HS6ST3: variants seen among roughly 807,000 people sequenced by gnomAD.
HS6ST3 encodes heparan sulfate 6-O-sulfotransferase 3.
HS6ST3 carries 12 observed loss-of-function variants against 36.7 expected under a neutral mutation model. That is an observed-to-expected ratio of 0.33 (90% CI 0.21 to 0.53). The LOEUF (loss-of-function observed/expected upper bound fraction) is 0.53, where lower values mean the gene tolerates loss of function less well. HS6ST3 is among the 20% of genes least tolerant of loss of function. The probability of loss-of-function intolerance (pLI) is 0.95; values close to 1 mark genes in which losing one functional copy is unlikely to be tolerated. For synonymous variants in HS6ST3, 240 were observed against 257.5 expected (o/e 0.93, Z 0.65); for missense variants, 584 against 640.9 (o/e 0.91, Z 0.96).
chr13:96,588,834 G>A (rs1049993672), intron 1 of HS6ST3, among the ~76,000 whole-genome samples: 5 of 151,980 alleles, frequency 3.3e-5, no homozygotes, highest in African/African-American at 1.2e-4. Context: ...TGGATTGCTT[G>A]ATCCCAGGAA....
At chr13:96,538,977 G>A (rs1007486247) in intron 1 of HS6ST3, among the ~76,000 whole-genome samples, 1 of 152,068 alleles carries the variant, frequency 6.6e-6, no homozygotes, top group African/African-American at 2.4e-5. Flanking sequence ...TGTTTTTCAC[G>A]TGATCTCAAC....
intron 1 of HS6ST3, among the ~76,000 whole-genome samples, chr13:96,531,526 C>G (rs563010868): frequency 6.6e-5 from 10 of 152,098 alleles, no homozygotes; most frequent in Admixed American, 3.9e-4. Context: ...TTATAAGAAG[C>G]CTTGAGCTGT....
chr13:96,119,961 G>A (rs912320576), intron 1 of HS6ST3, among the ~76,000 whole-genome samples: 5 of 151,954 alleles, frequency 3.3e-5, no homozygotes, highest in African/African-American at 1.2e-4. Context: ...ATCAGTTGAA[G>A]TTCTAACCCC....
At chr13:96,816,655 T>C (rs894095511) in intron 1 of HS6ST3, among the ~76,000 whole-genome samples, 3 of 152,148 alleles carry the variant, frequency 2.0e-5, no homozygotes, top group African/African-American at 7.2e-5. Context: ...AGGGGAAAGG[T>C]ATCACATCCC....
At chr13:96,578,655 G>A (rs1276214382) in intron 1 of HS6ST3, among the ~76,000 whole-genome samples, 3 of 152,062 alleles carry the variant, frequency 2.0e-5, no homozygotes, top group African/African-American at 7.2e-5. Flanking sequence ...CTGCTTTCCG[G>A]GTCAAGCGGT....
intron 1 of HS6ST3, among the ~76,000 whole-genome samples, chr13:96,641,592 C>T (rs1026242338): frequency 1.3e-5 from 2 of 151,870 alleles, no homozygotes; most frequent in African/African-American, 4.8e-5. Flanking sequence ...ATGTCCATTA[C>T]AGCCTTCTCT....
chr13:96,490,073 A>G (rs1594792120), intron 1 of HS6ST3, among the ~76,000 whole-genome samples: 1 of 152,192 alleles, frequency 6.6e-6, no homozygotes, highest in Non-Finnish European at 1.5e-5. Flanking sequence ...TCATATGGGG[A>G]CAAATACATT....
In HS6ST3 at chr13:96,704,888, C is replaced by G. The variant is rs142854512; in HGVS notation, c.708-127602C>G. On this transcript the variant is annotated intron_variant, in intron 1 of 1. Transcript: ENST00000376705. The stretch of plus-strand genomic sequence containing the variant: ...GCCTGGGATTCCATAGGGGTGCTAT[C>G]TGGCCTCTTTTCAGAAACTATTTAA... 5.3e-4 allele frequency among the ~76,000 whole-genome samples: 80 copies of G among 152,288 alleles called. 1 individual carries two copies. Among genetic ancestry groups the G allele is most frequent in the East Asian group, 4.1e-3 (21 of 5,180 alleles).
At position 96,304,804 on chromosome 13, in the gene HS6ST3, G is replaced by A. The variant is rs1195224434; in HGVS notation, c.707+213235G>A. On this transcript the variant is annotated intron_variant, in intron 1 of 1. Transcript: ENST00000376705. Reference sequence around the variant, plus strand: ...CAGCTCACTGCAACCTCCGCTTCCCGGGTTCAAGCAATTCTCCTGCCTCAG... The same window carrying A: ...CAGCTCACTGCAACCTCCGCTTCCCAGGTTCAAGCAATTCTCCTGCCTCAG... Among the ~76,000 whole-genome samples, 4 of 148,762 alleles carry A rather than the reference G, an allele frequency of 2.7e-5. No individual in the cohort carries two copies. The Admixed American group carries it at 2.7e-4, about 10-fold the overall frequency.
chr13:96,432,587 C>G (rs1446700651), intron 1 of HS6ST3, among the ~76,000 whole-genome samples: 1 of 151,988 alleles, frequency 6.6e-6, no homozygotes, highest in African/African-American at 2.4e-5. Flanking sequence ...ATATAATAAC[C>G]AGACTTACTC....
At chr13:96,393,757 GT>G (rs1394644485) in intron 1 of HS6ST3, among the ~76,000 whole-genome samples, 2 of 152,132 alleles carry the variant, frequency 1.3e-5, no homozygotes, top group African/African-American at 4.8e-5. Flanking sequence ...AGATGGGCTT[GT>G]TTAAAGACAG....
intron 1 of HS6ST3, among the ~76,000 whole-genome samples, chr13:96,592,208 A>C (rs1453594372): frequency 1.3e-5 from 2 of 152,130 alleles, no homozygotes; most frequent in African/African-American, 4.8e-5. Flanking sequence ...ACTATGTCAT[A>C]ACCCATTATT....
chr13:96,695,480 T>C (rs1875102069), intron 1 of HS6ST3, among the ~76,000 whole-genome samples: 1 of 152,144 alleles, frequency 6.6e-6, no homozygotes, highest in African/African-American at 2.4e-5. Flanking sequence ...CAGACTGGAG[T>C]GCAGTGGCAT....
chr13:96,829,555 C>T (rs1490253827), intron 1 of HS6ST3, among the ~76,000 whole-genome samples: 1 of 152,112 alleles, frequency 6.6e-6, no homozygotes, highest in South Asian at 2.1e-4. Context: ...TCATTTAGCT[C>T]CTACTTATAA....
chr13:96,514,510 G>T (rs972401423), intron 1 of HS6ST3, among the ~76,000 whole-genome samples: 10 of 152,148 alleles, frequency 6.6e-5, no homozygotes, highest in Admixed American at 3.9e-4. Flanking sequence ...CGTAATTAAG[G>T]TTGGATGAGG....
chr13:96,316,193 T>C (rs918938328), intron 1 of HS6ST3, among the ~76,000 whole-genome samples: 11 of 152,164 alleles, frequency 7.2e-5, no homozygotes, highest in Admixed American at 5.2e-4. Context: ...CATACACATA[T>C]ATGCATATGC....
chr13:96,773,636 C>G (rs1877323541), intron 1 of HS6ST3, among the ~76,000 whole-genome samples: 1 of 152,218 alleles, frequency 6.6e-6, no homozygotes, highest in Admixed American at 6.5e-5. Flanking sequence ...GATTTCTCCT[C>G]TCTGGGCAGG....
At chr13:96,107,354 A>T (rs1400769459) in intron 1 of HS6ST3, among the ~76,000 whole-genome samples, 1 of 152,094 alleles carries the variant, frequency 6.6e-6, no homozygotes, top group Non-Finnish European at 1.5e-5. Context: ...GCAATGAGTG[A>T]TCATTGGTGC....
intron 1 of HS6ST3, among the ~76,000 whole-genome samples, chr13:96,140,395 A>G (rs114884269): frequency 0.02 from 3,056 of 152,204 alleles, 89 homozygotes; most frequent in African/African-American, 0.068. Context: ...TCTCTGGTAA[A>G]TTGCTTATTG....
Sources: gnomAD v4.1 joint callset for allele counts (sites outside exome capture counted in the v4.1 genomes callset) on GRCh38, gnomAD v4.1.1 for gene constraint, MANE v1.5 for transcripts, NCBI Gene and HGNC (gene_info 2026-07-23, HGNC 2026-07-21) for gene names.